The following RGS8 variants were observed in gnomAD, a reference collection of about 807,000 sequenced individuals.
RGS8 encodes the protein regulator of G-protein signaling 8.
In RGS8, 8 loss-of-function variants were observed where a neutral mutation model predicts 21.7. That is an observed-to-expected ratio of 0.37 (90% CI 0.22 to 0.66). The LOEUF (loss-of-function observed/expected upper bound fraction) is 0.66, where lower values mean the gene tolerates loss of function less well. Among genes scored for constraint, RGS8 ranks in the 30% least tolerant of loss-of-function variants. The pLI, the probability that RGS8 is intolerant of heterozygous loss-of-function variation, is 0.59. For synonymous variants in RGS8, 80 were observed against 83.6 expected (o/e 0.96, Z 0.24); for missense variants, 157 against 217.9 (o/e 0.72, Z 1.76).
chr1:182,708,794 A>T, the RGS8 span, among the ~76,000 whole-genome samples: 27 of 152,232 alleles, frequency 1.8e-4, no homozygotes, highest in African/African-American at 6.3e-4. Flanking sequence ...TTGTGTCAGC[A>T]GGAAGCCACT....
chr1:182,647,088 T>C (rs1662737303), intron 6 of RGS8, among the ~76,000 whole-genome samples, 171 bp from the exon 8 acceptor site: 1 of 152,250 alleles, frequency 6.6e-6, no homozygotes, highest in Non-Finnish European at 1.5e-5. Context: ...GCAAGAATCC[T>C]GTGGGGTCTG....
intron 5 of RGS8, among the ~76,000 whole-genome samples, chr1:182,648,601 G>A (rs1662821536): frequency 6.6e-6 from 1 of 151,952 alleles, no homozygotes; most frequent in Non-Finnish European, 1.5e-5. Flanking sequence ...GCTGGGCATG[G>A]TGGCACATGT....
chr1:182,722,363 CA>C, the RGS8 span, among the ~76,000 whole-genome samples: 3,050 of 79,406 alleles, frequency 0.038, 45 homozygotes, highest in African/African-American at 0.085. Context: ...AGCAAATTAC[CA>C]AAAAAAAAAA....
the RGS8 span, among the ~76,000 whole-genome samples, chr1:182,710,183 T>C: frequency 7.9e-5 from 12 of 152,176 alleles, no homozygotes; most frequent in African/African-American, 2.9e-4. Context: ...TGCAAACTTC[T>C]TTCTCCCTCT....
chr1:182,680,442 A>G (rs967548286), intron 1 of RGS8, among the ~76,000 whole-genome samples: 3 of 152,070 alleles, frequency 2.0e-5, no homozygotes, highest in Admixed American at 6.5e-5. Flanking sequence ...GCTCATCCTC[A>G]AGCTGCACTT....
chr1:182,741,946 G>C, the RGS8 span, among the ~76,000 whole-genome samples: 4 of 146,918 alleles, frequency 2.7e-5, no homozygotes, highest in African/African-American at 1.0e-4. Flanking sequence ...CTTCCCAGAC[G>C]GGGTGGCTGC....
the RGS8 span, among the ~76,000 whole-genome samples, chr1:182,748,042 T>A: frequency 6.6e-6 from 1 of 152,250 alleles, no homozygotes; most frequent in Non-Finnish European, 1.5e-5. Context: ...TTGAAGTACA[T>A]ACACATTGTA....
the RGS8 span, among the ~76,000 whole-genome samples, chr1:182,739,339 A>G: frequency 6.6e-6 from 1 of 152,100 alleles, no homozygotes; most frequent in African/African-American, 2.4e-5. Flanking sequence ...AAGACAATGT[A>G]TTTTCTCCCC....
chr1:182,748,215 C>G, the RGS8 span, among the ~76,000 whole-genome samples: 3 of 152,198 alleles, frequency 2.0e-5, no homozygotes, highest in Admixed American at 2.0e-4. Flanking sequence ...ATTTATTCCT[C>G]TTGTCTAACC....
the RGS8 span, among the ~76,000 whole-genome samples, chr1:182,721,000 TATATATAC>T: frequency 1.6e-3 from 155 of 98,124 alleles, 3 homozygotes; most frequent in African/African-American, 2.2e-3. Flanking sequence ...TATATGTGTG[TATATATAC>T]ATATATACAC....
chr1:182,735,902 A>G, the RGS8 span, among the ~76,000 whole-genome samples: 2 of 152,018 alleles, frequency 1.3e-5, no homozygotes, highest in Non-Finnish European at 2.9e-5. Flanking sequence ...TATCTCCTCC[A>G]CTTTCTATCA....
the RGS8 span, among the ~76,000 whole-genome samples, chr1:182,706,289 T>C: frequency 6.6e-6 from 1 of 152,044 alleles, no homozygotes; most frequent in Non-Finnish European, 1.5e-5. Context: ...ACACCTGGCC[T>C]GGAGATATGT....
the RGS8 span, among the ~76,000 whole-genome samples, chr1:182,733,076 T>C: frequency 9.8e-5 from 15 of 152,366 alleles, no homozygotes; most frequent in Admixed American, 6.5e-5. Context: ...TTTCGCAGTC[T>C]GCTCTGAAAA....
chr1:182,681,319 T>C (rs1216042630), intron 1 of RGS8, among the ~76,000 whole-genome samples: 2 of 152,144 alleles, frequency 1.3e-5, no homozygotes, highest in Non-Finnish European at 2.9e-5. Context: ...TGGTTATCAA[T>C]CTCTTCCCCT....
chr1:182,699,971 G>A, the RGS8 span, among the ~76,000 whole-genome samples: 3 of 152,202 alleles, frequency 2.0e-5, no homozygotes, highest in Non-Finnish European at 4.4e-5. Context: ...GATAAGATCC[G>A]GCACCTCACA....
At chr1:182,688,022 G>T (rs115580144), upstream of RGS8, among the ~76,000 whole-genome samples, 2 of 152,284 alleles carry the variant, frequency 1.3e-5, no homozygotes, top group Admixed American at 1.3e-4. Flanking sequence ...TTTAAACTGC[G>T]TATGTCCTAT....
the RGS8 span, among the ~76,000 whole-genome samples, chr1:182,722,473 C>T: frequency 6.6e-6 from 1 of 151,926 alleles, no homozygotes; most frequent in Admixed American, 6.6e-5. Context: ...CTGCCATGCT[C>T]CCTCCTGAGG....
At chr1:182,656,679 A>C (rs2102418827) in intron 5 of RGS8, among the ~76,000 whole-genome samples, 1 of 152,312 alleles carries the variant, frequency 6.6e-6, no homozygotes, top group Admixed American at 6.5e-5. Context: ...AGGAAAACCA[A>C]AAGAAACTTG....
the RGS8 span, among the ~76,000 whole-genome samples, chr1:182,709,301 A>G: frequency 6.6e-6 from 1 of 152,282 alleles, no homozygotes; most frequent in East Asian, 1.9e-4. Context: ...GCTTATTGAC[A>G]GAAAAGATTC....
Sources: allele counts gnomAD v4.1 joint callset (sites outside exome capture counted in the v4.1 genomes callset), GRCh38; gene constraint gnomAD v4.1.1; transcripts MANE v1.5; gene names NCBI Gene and HGNC (gene_info 2026-07-23, HGNC 2026-07-21).